AK5: variants seen among roughly 807,000 people sequenced by gnomAD.
The protein encoded by AK5 is adenylate kinase 5.
A neutral mutation model predicts 69.5 loss-of-function variants in AK5; 27 were observed. The ratio of observed to expected loss-of-function variants is 0.39; its 90% CI spans 0.29 to 0.54. The LOEUF is 0.54. Among genes scored for constraint, AK5 ranks in the 20% least tolerant of loss-of-function variants. The pLI is 0.71. For missense variants in AK5, 531 were observed against 700.4 expected, an observed-to-expected ratio of 0.76 and a Z score of 2.73; for synonymous variants, 260 against 244.4, an observed-to-expected ratio of 1.06 and a Z score of -0.60.
rs150001087 is a variant in AK5 at position 77,456,439 on chromosome 1, C to T, written c.1060-26878C>T. On this transcript the variant is annotated intron_variant, in intron 8 of 13. Coordinates refer to ENST00000354567, the MANE Select transcript of AK5 (RefSeq NM_174858.3). ...GTTAACAGCCTGTTCTGGTGTTACA[C>T]CTTGCTAGAGAAGAGAGCCATCTTG... Among the ~76,000 whole-genome samples the T allele has an allele frequency of 7.9e-4, 120 of 152,328 alleles. 1 individual carries two copies. Among genetic ancestry groups the T allele is most frequent in the African/African-American group, 2.8e-3 (117 of 41,584 alleles).
chr1:77,454,344 G>A (rs1000234990), intron 8 of AK5, among the ~76,000 whole-genome samples: 2 of 152,072 alleles, frequency 1.3e-5, no homozygotes, highest in African/African-American at 4.8e-5. Flanking sequence ...ATCTTGGTCA[G>A]TATTACTCCA....
intron 8 of AK5, among the ~76,000 whole-genome samples, chr1:77,456,430 G>C (rs60645967): frequency 0.045 from 6,927 of 152,266 alleles, 399 homozygotes; most frequent in East Asian, 0.19. Flanking sequence ...AGCCTGTTCT[G>C]GTGTTACACC....
rs1660293909 is a variant in AK5, at chr1:77,559,126, A to T, written c.*456A>T. The T allele has an allele frequency of 6.5e-6, 1 of 153,008 alleles. No individual in the cohort carries two copies. Among genetic ancestry groups the T allele is most frequent in the Non-Finnish European group, 1.5e-5 (1 of 68,720 alleles). 9.5% of individuals were successfully genotyped at this position (153,008 alleles called of 1,614,324 possible). The stretch of plus-strand genomic sequence containing the variant: ...CCTGGCATAGGGGACAGCCCTGGGC[A>T]TCTTCCTTTGGTGTCTGGCTGTTTT... On this transcript the variant is annotated 3_prime_UTR_variant, in exon 14 of 14. Coordinates refer to ENST00000354567, the MANE Select transcript of AK5 (RefSeq NM_174858.3).
chr1:77,368,222 T>TAC (rs1647036050), intron 6 of AK5, among the ~76,000 whole-genome samples: 2 of 30,746 alleles, frequency 6.5e-5, no homozygotes, highest in Non-Finnish European at 1.2e-4. Flanking sequence ...ATACTATATA[T>TAC]ATATATATAT....
At chr1:77,410,108 ATATAAC>A (rs1346549047) in intron 6 of AK5, among the ~76,000 whole-genome samples, 10 of 152,170 alleles carry the variant, frequency 6.6e-5, no homozygotes, top group Non-Finnish European at 1.2e-4. Flanking sequence ...GAATTCATAA[ATATAAC>A]TATGTCATTT....
chr1:77,385,609 C>T (rs1647970771), intron 6 of AK5, among the ~76,000 whole-genome samples: 3 of 152,104 alleles, frequency 2.0e-5, no homozygotes, highest in Admixed American at 2.0e-4. Context: ...ACGAAAAGGC[C>T]TTTTGAGGAA....
intron 10 of AK5, among the ~76,000 whole-genome samples, chr1:77,516,825 T>G (rs1040527020): frequency 2.6e-5 from 4 of 152,178 alleles, no homozygotes; most frequent in African/African-American, 9.6e-5. Context: ...ATCCCAGCAT[T>G]TCAGGAGGCT....
At chr1:77,491,304 A>ATTTTTTTTTTTTTTTTTTTTTTTTT (rs10700619) in intron 10 of AK5, among the ~76,000 whole-genome samples, 1 of 87,368 alleles carries the variant, frequency 1.1e-5, no homozygotes, top group African/African-American at 4.5e-5. Flanking sequence ...CATGAATTGA[A>ATTTTTTTTTTTTTTTTTTTTTTTTT]TTTTTTTTTT....
chr1:77,535,435 G>A (rs1205569553), intron 12 of AK5, among the ~76,000 whole-genome samples: 1 of 152,184 alleles, frequency 6.6e-6, no homozygotes, highest in Non-Finnish European at 1.5e-5. Context: ...GCCACAGAAT[G>A]CCACCTGTGG....
chr1:77,305,476 A>C (rs879379297), intron 5 of AK5, among the ~76,000 whole-genome samples: 3 of 152,100 alleles, frequency 2.0e-5, no homozygotes, highest in Non-Finnish European at 4.4e-5. Context: ...GAGGTCTTGG[A>C]TTTAAGTCTT....
intron 2 of AK5, among the ~76,000 whole-genome samples, chr1:77,288,012 T>A (rs536575644): frequency 6.6e-6 from 1 of 152,364 alleles, no homozygotes; most frequent in Non-Finnish European, 1.5e-5. Context: ...CATATTTAGT[T>A]CACTTTAACA....
chr1:77,393,516 AGTT>A (rs1487071668), intron 6 of AK5, among the ~76,000 whole-genome samples: 2 of 152,238 alleles, frequency 1.3e-5, no homozygotes, highest in Non-Finnish European at 2.9e-5. Context: ...AGAGCTAAGA[AGTT>A]GTCAGAAAGA....
At chr1:77,359,184 G>A (rs547318798) in intron 6 of AK5, among the ~76,000 whole-genome samples, 2 of 151,874 alleles carry the variant, frequency 1.3e-5, no homozygotes, top group South Asian at 4.2e-4. Flanking sequence ...GAACCTGGGA[G>A]GCAGAGCTTA....
At chr1:77,393,880 T>A (rs1377469292) in intron 6 of AK5, among the ~76,000 whole-genome samples, 3 of 152,188 alleles carry the variant, frequency 2.0e-5, no homozygotes, top group Non-Finnish European at 4.4e-5. Flanking sequence ...TTATTGTTGA[T>A]ATTATTAAGA....
chr1:77,367,793 ATG>A lies in AK5; in HGVS notation c.891+27227_891+27228del, dbSNP rs71964321. Among the ~76,000 whole-genome samples, 45 of 14,536 alleles carry A rather than the reference ATG, an allele frequency of 3.1e-3. 8 individuals are homozygous for A. Among genetic ancestry groups the A allele is most frequent in the East Asian group, 0.017 (3 of 176 alleles). 9.5% of individuals were successfully genotyped at this position (14,536 alleles called of 152,430 possible). On this transcript the variant is annotated intron_variant, in intron 6 of 13. Coordinates refer to ENST00000354567, the MANE Select transcript of AK5 (RefSeq NM_174858.3). ...ATGTTATATATAATATATGTTATATATGTTATATATAATATATGTTATATATA... is the reference window on the plus strand; with the variant it reads ...ATGTTATATATAATATATGTTATATATTATATATAATATATGTTATATATA...
intron 5 of AK5, among the ~76,000 whole-genome samples, chr1:77,316,765 G>A (rs1289724290): frequency 6.6e-6 from 1 of 152,148 alleles, no homozygotes; most frequent in Non-Finnish European, 1.5e-5. Flanking sequence ...TTGATAATAT[G>A]TTAGTAGAAG....
At chr1:77,477,003 A>AGTGT (rs10625085) in intron 8 of AK5, among the ~76,000 whole-genome samples, 15,506 of 146,796 alleles carry the variant, frequency 0.11, 887 homozygotes, top group African/African-American at 0.14. Flanking sequence ...TGTTCTTTTT[A>AGTGT]GTGTGTGTGT....
intron 5 of AK5, among the ~76,000 whole-genome samples, chr1:77,322,413 T>G (rs1016426560): frequency 6.6e-6 from 1 of 152,266 alleles, no homozygotes; most frequent in Non-Finnish European, 1.5e-5. Context: ...TGGCTTCAGG[T>G]GACTGGTGGT....
chr1:77,545,651 G>T (rs1379296161), intron 13 of AK5, among the ~76,000 whole-genome samples: 3 of 152,096 alleles, frequency 2.0e-5, no homozygotes, highest in Non-Finnish European at 4.4e-5. Context: ...TGTTGCCCTG[G>T]GAAGAGTTCT....
Sources: gnomAD v4.1 joint callset for allele counts (sites outside exome capture counted in the v4.1 genomes callset) on GRCh38, gnomAD v4.1.1 for gene constraint, MANE v1.5 for transcripts, NCBI Gene and HGNC (gene_info 2026-07-23, HGNC 2026-07-21) for gene names.